Variants in DUSP19 observed in about 807,000 individuals in gnomAD.
DUSP19 encodes the protein dual specificity phosphatase 19.
In DUSP19, 14 loss-of-function variants were observed where a neutral mutation model predicts 16.6. The observed-to-expected ratio is 0.84, with a 90% CI of 0.56 to 1.32. The LOEUF is 1.32. Ranked by LOEUF, DUSP19 falls within the 40% of genes most tolerant of loss-of-function variation. The pLI is 0.00. For synonymous variants in DUSP19, 81 were observed against 90.5 expected (o/e 0.90, Z 0.59); for missense variants, 258 against 255.9 (o/e 1.01, Z -0.06).
Position 183,094,648 on chromosome 2 carries a change from T to A in DUSP19, c.427-783T>A, listed in dbSNP as rs528879590. Among the ~76,000 whole-genome samples the A allele has an allele frequency of 5.3e-5, 8 of 152,332 alleles. No homozygotes were observed. In the East Asian group the frequency reaches 1.5e-3, roughly 29 times the overall value. On this transcript the variant is annotated intron_variant, in intron 3 of 3. Transcript: ENST00000354221. Reference sequence around the variant, plus strand: ...CATTTGCAAGTTACCTGAAATGTTTTTCATTTATTGACCTCATGCTGGTAT... The same window carrying A: ...CATTTGCAAGTTACCTGAAATGTTTATCATTTATTGACCTCATGCTGGTAT...
intron 2 of DUSP19, among the ~76,000 whole-genome samples, chr2:183,083,837 G>A (rs1285568845): frequency 6.6e-6 from 1 of 152,144 alleles, no homozygotes; most frequent in African/African-American, 2.4e-5. Flanking sequence ...GTTCCTCTGT[G>A]TGGGATAGAC....
intron 1 of DUSP19, among the ~76,000 whole-genome samples, chr2:183,081,878 T>C (rs1235684786): frequency 6.6e-6 from 1 of 150,950 alleles, no homozygotes; most frequent in Admixed American, 6.6e-5. Flanking sequence ...AATTCCCAGA[T>C]GGGTAACTTA....
intron 3 of DUSP19, among the ~76,000 whole-genome samples, chr2:183,091,393 G>T (rs1330649665): frequency 3.3e-5 from 5 of 152,120 alleles, no homozygotes; most frequent in Admixed American, 3.3e-4. Flanking sequence ...GAAAGTGAAA[G>T]CACACTCCAC....
chr2:183,084,613 G>A (rs1344950423), intron 2 of DUSP19, among the ~76,000 whole-genome samples: 1 of 152,080 alleles, frequency 6.6e-6, no homozygotes, highest in Non-Finnish European at 1.5e-5. Context: ...GATCACAAAA[G>A]GCCATGTAAG....
chr2:183,094,074 T>C (rs1699766961), intron 3 of DUSP19, among the ~76,000 whole-genome samples: 5 of 152,316 alleles, frequency 3.3e-5, no homozygotes, highest in African/African-American at 1.2e-4. Flanking sequence ...GAGTCATAAA[T>C]ATCTATAGAA....
rs574168215 is a variant in DUSP19 at position 183,097,965 on chromosome 2, C to G, written c.*2307C>G. ...GGAGTGCAGTGGCGTGATCTTGGCT[C>G]ACTGCAACCTCTGCCTCCCAGCTTC... On this transcript the variant is annotated 3_prime_UTR_variant, in exon 4 of 4. Transcript: ENST00000354221. 19 of 152,362 alleles carry G rather than the reference C, an allele frequency of 1.2e-4. No homozygotes were observed. The highest frequency in any genetic ancestry group is 8.5e-4 in the Admixed American group (13 of 15,298). 9.4% of individuals were successfully genotyped at this position (152,362 alleles called of 1,614,324 possible).
chr2:183,089,929 A>G (rs1438479028), intron 3 of DUSP19, among the ~76,000 whole-genome samples: 1 of 152,094 alleles, frequency 6.6e-6, no homozygotes, highest in African/African-American at 2.4e-5. Flanking sequence ...GCGCACCACC[A>G]TGCCTGGCTA....
At chr2:183,088,372 G>GT (rs1201105419) in intron 3 of DUSP19, among the ~76,000 whole-genome samples, 10 of 146,204 alleles carry the variant, frequency 6.8e-5, no homozygotes, top group East Asian at 2.0e-4. Context: ...AAAGGAAGAG[G>GT]TTTTTTTTGT....
chr2:183,082,210 A>C (rs1196452328), intron 1 of DUSP19, among the ~76,000 whole-genome samples: 1 of 152,158 alleles, frequency 6.6e-6, no homozygotes, highest in Non-Finnish European at 1.5e-5. Context: ...ATCCTTTTTT[A>C]AGTTACAAAA....
rs565532646 is a variant in DUSP19 at position 183,098,120 on chromosome 2, C to T, written c.*2462C>T. On this transcript the variant is annotated 3_prime_UTR_variant, in exon 4 of 4. Transcript: ENST00000354221. ...ATGTTGGTCAGGCTGGTCTCGAACT[C>T]CTGACCGCAAGTGATCCACACGCCT... The T allele has an allele frequency of 2.0e-5, 3 of 152,304 alleles. No individual in the cohort carries two copies. Among genetic ancestry groups the T allele is most frequent in the Non-Finnish European group, 2.9e-5 (2 of 68,062 alleles). 9.4% of individuals were successfully genotyped at this position (152,304 alleles called of 1,614,324 possible).
intron 3 of DUSP19, among the ~76,000 whole-genome samples, chr2:183,088,406 T>G (rs1559129140): frequency 1.4e-5 from 2 of 148,120 alleles, no homozygotes; most frequent in South Asian, 2.2e-4. Flanking sequence ...TGTTTTTTTT[T>G]TTTGTTTTTT....
intron 2 of DUSP19, among the ~76,000 whole-genome samples, chr2:183,085,856 T>G (rs1014336027): frequency 7.5e-5 from 7 of 93,524 alleles, no homozygotes; most frequent in African/African-American, 1.6e-4. Flanking sequence ...GGTTTTTTTT[T>G]TTTTTTTTTT....
rs1373172903 is a variant in DUSP19 at position 183,098,883 on chromosome 2, ATTC to A, written c.*3231_*3233del. The stretch of plus-strand genomic sequence containing the variant: ...TAGATTTTTGAAAAACCCAAACAAT[ATTC>A]TTCTTAGATTTTTGGAGGCAAAATT... On this transcript the variant is annotated 3_prime_UTR_variant, in exon 4 of 4. Coordinates refer to ENST00000354221, the MANE Select transcript of DUSP19 (RefSeq NM_080876.4). 1 of 152,222 alleles carries A rather than the reference ATTC, an allele frequency of 6.6e-6. No homozygotes were observed. Among genetic ancestry groups the A allele is most frequent in the Non-Finnish European group, 1.5e-5 (1 of 68,018 alleles). 9.4% of individuals were successfully genotyped at this position (152,222 alleles called of 1,614,324 possible). A position where few individuals can be genotyped will look rare whatever the true frequency, so the allele number is the denominator to read the frequency against.
At chr2:183,089,552 C>A (rs893986684) in intron 3 of DUSP19, among the ~76,000 whole-genome samples, 1 of 102,572 alleles carries the variant, frequency 9.7e-6, no homozygotes, top group Non-Finnish European at 2.3e-5. Flanking sequence ...ACTCAGAGTA[C>A]GCCTGTCTAT....
In DUSP19 at chr2:183,092,195, A is replaced by T. The variant is rs561619314; in HGVS notation, c.427-3236A>T. Among the ~76,000 whole-genome samples the T allele has an allele frequency of 5.9e-5, 9 of 152,338 alleles. 1 individual carries two copies. The East Asian group carries it at 1.5e-3, about 26-fold the overall frequency. On this transcript the variant is annotated intron_variant, in intron 3 of 3. Coordinates refer to ENST00000354221, the MANE Select transcript of DUSP19 (RefSeq NM_080876.4). ...CACTGCAAAATTCTTATTTCATCAT[A>T]GGTGGCTGTCAAGCACTTGCAGACT...
At chr2:183,084,228 G>A (rs935167308) in intron 2 of DUSP19, among the ~76,000 whole-genome samples, 1 of 152,108 alleles carries the variant, frequency 6.6e-6, no homozygotes, top group Non-Finnish European at 1.5e-5. Context: ...GGGGATAAGT[G>A]AGTCAGGGGA....
At chr2:183,093,752 G>T (rs1389086065) in intron 3 of DUSP19, among the ~76,000 whole-genome samples, 1 of 152,132 alleles carries the variant, frequency 6.6e-6, no homozygotes, top group Non-Finnish European at 1.5e-5. Flanking sequence ...CTAGTTTCAT[G>T]TTCAAAAGCC....
Position 183,096,166 on chromosome 2 carries a change from C to T in DUSP19, c.*508C>T, listed in dbSNP as rs1699798441. The T allele has an allele frequency of 6.6e-6, 1 of 151,938 alleles. No homozygotes were observed. Among genetic ancestry groups the T allele is most frequent in the Admixed American group, 6.6e-5 (1 of 15,242 alleles). 9.4% of individuals were successfully genotyped at this position (151,938 alleles called of 1,614,324 possible). The stretch of plus-strand genomic sequence containing the variant: ...TCTGAAGGTTTATACAATATTTACA[C>T]AGTGGCTACAATATTCACAAAATTC... On this transcript the variant is annotated 3_prime_UTR_variant, in exon 4 of 4. Coordinates refer to ENST00000354221, the MANE Select transcript of DUSP19 (RefSeq NM_080876.4).
rs1427810050 is a variant in DUSP19, at chr2:183,097,695, G to A, written c.*2037G>A. On this transcript the variant is annotated 3_prime_UTR_variant, in exon 4 of 4. Coordinates refer to ENST00000354221, the MANE Select transcript of DUSP19 (RefSeq NM_080876.4). ...GCAGAACCCTCTTAAATATGAGACT[G>A]ATGTATAGGTTCTCTCTATGGTCAG... The A allele has an allele frequency of 6.6e-6, 1 of 152,128 alleles. No individual in the cohort carries two copies. The highest frequency in any genetic ancestry group is 1.9e-4 in the East Asian group (1 of 5,190). The allele number at this position is 152,128 out of a possible 1,614,324, so 9.4% of individuals were successfully genotyped here. A position where few individuals can be genotyped will look rare whatever the true frequency, so the allele number is the denominator to read the frequency against.
Sources: gnomAD v4.1 joint callset for allele counts (sites outside exome capture counted in the v4.1 genomes callset) on GRCh38, gnomAD v4.1.1 for gene constraint, MANE v1.5 for transcripts, NCBI Gene and HGNC (gene_info 2026-07-23, HGNC 2026-07-21) for gene names.